Variants in VAV2 observed in about 807,000 individuals in gnomAD.
VAV2 encodes the protein vav guanine nucleotide exchange factor 2.
A neutral mutation model predicts 132.5 loss-of-function variants in VAV2; 67 were observed. That is an observed-to-expected ratio of 0.51 (90% confidence interval 0.42 to 0.62). VAV2 has a LOEUF of 0.62. Among genes scored for constraint, VAV2 ranks in the 20% least tolerant of loss-of-function variants. VAV2 has a pLI of 0.00. For missense variants in VAV2, 938 were observed against 1,153.6 expected, an observed-to-expected ratio of 0.81 and a Z score of 2.71; for synonymous variants, 492 against 443.5, an observed-to-expected ratio of 1.11 and a Z score of -1.37.
intron 2 of VAV2, among the ~76,000 whole-genome samples, chr9:133,922,784 T>C (rs1338199862): frequency 3.9e-5 from 6 of 152,198 alleles, no homozygotes; most frequent in Admixed American, 1.3e-4. Flanking sequence ...TTTCATGACA[T>C]TGGATTTGCA....
chr9:133,972,988 G>A (rs983354139), intron 1 of VAV2, among the ~76,000 whole-genome samples: 2 of 152,170 alleles, frequency 1.3e-5, no homozygotes, highest in South Asian at 4.1e-4. Context: ...GGTGGGAGGC[G>A]GAGGAGGAGG....
At chr9:133,902,696 G>T (rs1839491084) in intron 2 of VAV2, among the ~76,000 whole-genome samples, 1 of 152,184 alleles carries the variant, frequency 6.6e-6, no homozygotes, top group Non-Finnish European at 1.5e-5. Flanking sequence ...AACCTTACTT[G>T]TACAGAGACT....
chr9:133,784,452 C>T (rs1257678252), intron 17 of VAV2, 34 bp from the exon 18 acceptor site: 1 of 1,610,350 alleles, frequency 6.2e-7, no homozygotes, highest in African/African-American at 1.3e-5. Context: ...ATGCTACACC[C>T]ACTGGATTCC....
rs1840216167 is a variant in VAV2, at chr9:133,919,441, C to G, written c.321+19662G>C. Among the ~76,000 whole-genome samples the G allele has an allele frequency of 6.6e-6, 1 of 152,182 alleles. No homozygotes were observed. The highest frequency in any genetic ancestry group is 2.4e-5 in the African/African-American group (1 of 41,434). On this transcript the variant is annotated intron_variant, in intron 2 of 29. Transcript: ENST00000371850. This position sits in a 1 kb window ranked among gnomAD's most constrained non-coding sequence, Gnocchi z 5.8. ...GGTGGGGCCTCCTCACTGGACAGCCCTGGGTGAGGGGTTCCAGGAGCCCAG... is the reference window on the plus strand; with the variant it reads ...GGTGGGGCCTCCTCACTGGACAGCCGTGGGTGAGGGGTTCCAGGAGCCCAG...
rs190272192 is a variant in VAV2, at chr9:133,911,150, G to A, written c.321+27953C>T. On this transcript the variant is annotated intron_variant, in intron 2 of 29. Transcript: ENST00000371850. ...TATTTACCGAAAGGAATGTATTCAC[G>A]CGTGCACTGGGGACCGGAAGCACAT... Among the ~76,000 whole-genome samples the A allele has an allele frequency of 2.7e-3, 406 of 152,278 alleles. 8 individuals carry two copies. The highest frequency in any genetic ancestry group is 6.3e-4 in the Non-Finnish European group (43 of 68,014).
In VAV2 at chr9:133,991,417, G is replaced by C. The variant is rs970058809; in HGVS notation, c.204+658C>G. Among the ~76,000 whole-genome samples, 1 of 152,054 alleles carries C rather than the reference G, an allele frequency of 6.6e-6. No homozygotes were observed. Among genetic ancestry groups the C allele is most frequent in the African/African-American group, 2.4e-5 (1 of 41,362 alleles). ...GCCCGAAGGAGGGGTGGGGGTGTTGGGAAAGCGATGGGGGCCAGGACTGGG... is the reference window on the plus strand; with the variant it reads ...GCCCGAAGGAGGGGTGGGGGTGTTGCGAAAGCGATGGGGGCCAGGACTGGG... On this transcript the variant is annotated intron_variant, in intron 1 of 29. Transcript: ENST00000371850. This position sits in a 1 kb window ranked among gnomAD's most constrained non-coding sequence, Gnocchi z 4.8.
intron 3 of VAV2, among the ~76,000 whole-genome samples, chr9:133,842,421 C>T (rs376310182): frequency 2.0e-5 from 3 of 152,362 alleles, no homozygotes; most frequent in South Asian, 4.1e-4. Context: ...GCGGGACTGG[C>T]TCACGGCCCT....
chr9:133,900,923 C>G (rs1251392297), intron 2 of VAV2, among the ~76,000 whole-genome samples: 1 of 151,964 alleles, frequency 6.6e-6, no homozygotes, highest in Non-Finnish European at 1.5e-5. Context: ...CTCAGCTCCC[C>G]CGAGAAGCTG....
At chr9:133,858,073 G>C (rs148193292) in intron 3 of VAV2, among the ~76,000 whole-genome samples, 1 of 152,220 alleles carries the variant, frequency 6.6e-6, no homozygotes, top group Non-Finnish European at 1.5e-5. Flanking sequence ...TCCACATGCC[G>C]AAGACAAGAC....
At position 133,840,426 on chromosome 9, in the gene VAV2, C is replaced by T. The variant is rs1836674852; in HGVS notation, c.381-6086G>A. Among the ~76,000 whole-genome samples the T allele has an allele frequency of 1.3e-5, 2 of 152,200 alleles. No individual in the cohort carries two copies. Among genetic ancestry groups the T allele is most frequent in the Admixed American group, 1.3e-4 (2 of 15,286 alleles). ...CTTCCTCAGCACCCACTCCCCACTC[C>T]TGCCCCTGAGCCACTGCTTGCTCAA... On this transcript the variant is annotated intron_variant, in intron 3 of 29. Transcript: ENST00000371850. The surrounding 1 kb of genome is among the most constrained non-coding windows in gnomAD (Gnocchi z 4.5).
Position 133,812,154 on chromosome 9 carries a change from A to T in VAV2, c.512T>A (p.Ile171Asn), listed in dbSNP as rs1229773234. The T allele has an allele frequency of 2.5e-6, 4 of 1,613,868 alleles. No homozygotes were observed. The highest frequency in any genetic ancestry group is 3.4e-6 in the Non-Finnish European group (4 of 1,180,022). Residue 171 changes from isoleucine to asparagine, a missense_variant, in exon 5 of 30, where the codon ATC (isoleucine) becomes AAC (asparagine). Coordinates refer to ENST00000371850, the MANE Select transcript of VAV2 (RefSeq NM_001134398.2). ...CVPCEDGGDD[I>N]YEDIIKVEVQ... Reference sequence around the variant, plus strand: ...CTCCACCTTGATGATGTCCTCGTAGATGTCGTCCCCTCCATCCTCACACGG... The same window carrying T: ...CTCCACCTTGATGATGTCCTCGTAGTTGTCGTCCCCTCCATCCTCACACGG...
chr9:133,917,430 G>GAAA (rs138413338), intron 2 of VAV2, among the ~76,000 whole-genome samples: 4 of 128,942 alleles, frequency 3.1e-5, no homozygotes, highest in Admixed American at 1.7e-4. Flanking sequence ...GAGAAAAACA[G>GAAA]AAAACTCTTT....
chr9:133,792,699 C>G (rs1834546490), intron 12 of VAV2, among the ~76,000 whole-genome samples: 1 of 122,288 alleles, frequency 8.2e-6, no homozygotes, highest in Admixed American at 9.8e-5. Context: ...CACCCCCCAC[C>G]CAGCATCCAG....
At chr9:133,925,182 A>C (rs1368421197) in intron 2 of VAV2, among the ~76,000 whole-genome samples, 2 of 152,210 alleles carry the variant, frequency 1.3e-5, no homozygotes, top group Non-Finnish European at 2.9e-5. Flanking sequence ...GCACACTTTA[A>C]AATGGTAACT....
chr9:133,766,755 AATAAATATATAT>A (rs1412332425), intron 29 of VAV2, among the ~76,000 whole-genome samples: 5 of 29,510 alleles, frequency 1.7e-4, no homozygotes, highest in African/African-American at 9.7e-4. Flanking sequence ...TTAAAGTATA[AATAAATATATAT>A]ATATATATAT....
intron 12 of VAV2, among the ~76,000 whole-genome samples, chr9:133,793,237 A>G (rs1834567433): frequency 6.6e-6 from 1 of 151,686 alleles, no homozygotes; most frequent in African/African-American, 2.4e-5. Flanking sequence ...GCGGAACCCA[A>G]GGGAGCCGGC....
chr9:133,965,494 C>CAAAAAAA (rs148320930), intron 1 of VAV2, among the ~76,000 whole-genome samples: 1 of 122,790 alleles, frequency 8.1e-6, no homozygotes, highest in Non-Finnish European at 1.7e-5. Flanking sequence ...GCGAGACTGT[C>CAAAAAAA]AAAAAAAAAA....
intron 2 of VAV2, among the ~76,000 whole-genome samples, chr9:133,901,383 G>A (rs1231095181): frequency 6.6e-6 from 1 of 152,178 alleles, no homozygotes; most frequent in East Asian, 1.9e-4. Flanking sequence ...AGTAAAGATG[G>A]CTGCACACTC....
chr9:133,806,300 G>C, intron 8 of VAV2, 119 bp from the exon 9 acceptor site: 1 of 865,428 alleles, frequency 1.2e-6, no homozygotes, highest in Non-Finnish European at 1.8e-6. Context: ...GGGCCCGGGT[G>C]CTGGGCCTGC....
Sources: allele counts gnomAD v4.1 joint callset (sites outside exome capture counted in the v4.1 genomes callset), GRCh38; gene constraint gnomAD v4.1.1; non-coding constraint Gnocchi (gnomAD v3.1); transcripts MANE v1.5; gene names NCBI Gene and HGNC (gene_info 2026-07-23, HGNC 2026-07-21).